NAALADL2: variants seen among roughly 807,000 people sequenced by gnomAD.
NAALADL2 encodes the protein N-acetylated alpha-linked acidic dipeptidase like 2.
Under a neutral mutation model 87.2 loss-of-function variants are expected in NAALADL2, and 76 were observed. The observed-to-expected ratio is 0.87, with a 90% CI of 0.72 to 1.05. The LOEUF (loss-of-function observed/expected upper bound fraction) is 1.05. Ranked by LOEUF, NAALADL2 falls within the 50% of genes least tolerant of loss-of-function variation. The pLI is 0.00. For synonymous variants in NAALADL2, 354 were observed against 331.0 expected, an observed-to-expected ratio of 1.07 and a Z score of -0.75; for missense variants, 1,089 against 945.8, an observed-to-expected ratio of 1.15 and a Z score of -1.99.
At chr3:174,728,655 T>C (rs1732423183) in intron 2 of NAALADL2, among the ~76,000 whole-genome samples, 1 of 152,052 alleles carries the variant, frequency 6.6e-6, no homozygotes, top group Non-Finnish European at 1.5e-5. Context: ...TGTGTTTTTT[T>C]CCCATTTCAC....
intron 2 of NAALADL2, among the ~76,000 whole-genome samples, chr3:175,124,254 C>T (rs1726587400): frequency 6.6e-6 from 1 of 151,900 alleles, no homozygotes; most frequent in African/African-American, 2.4e-5. Context: ...TTTCAAGTAA[C>T]GGAAAATTCA....
At chr3:174,650,502 G>A (rs947011024) in intron 2 of NAALADL2, among the ~76,000 whole-genome samples, 5 of 152,042 alleles carry the variant, frequency 3.3e-5, no homozygotes, top group South Asian at 2.1e-4. Flanking sequence ...CTGTGTCAAC[G>A]TCTATTTACA....
At chr3:174,498,567 G>T (rs1718692221) in intron 1 of NAALADL2, among the ~76,000 whole-genome samples, 2 of 150,636 alleles carry the variant, frequency 1.3e-5, no homozygotes, top group Non-Finnish European at 3.0e-5. Flanking sequence ...AAGGGGAATG[G>T]CAGGATTGCA....
At position 175,352,770 on chromosome 3, in the gene NAALADL2, T is replaced by A. The variant is rs139920999; in HGVS notation, c.1090+28445T>A. ...ATGACATAATAGATTTAAAAGAAAA[T>A]AATGTTTTATGTCAAAATTGTGCTG... On this transcript the variant is annotated intron_variant, in intron 5 of 13. Coordinates refer to ENST00000454872, the MANE Select transcript of NAALADL2 (RefSeq NM_207015.3). 4.4e-3 allele frequency among the ~76,000 whole-genome samples: 663 copies of A among 152,218 alleles called. 2 individuals are homozygous for A. The highest frequency in any genetic ancestry group is 0.015 in the African/African-American group (641 of 41,542).
At chr3:175,005,554 C>T (rs1748895917) in intron 1 of NAALADL2, among the ~76,000 whole-genome samples, 1 of 151,994 alleles carries the variant, frequency 6.6e-6, no homozygotes, top group Non-Finnish European at 1.5e-5. Flanking sequence ...AATAAATAAA[C>T]AATAAAATAT....
At chr3:174,630,208 ATTAT>A (rs1276924701) in intron 2 of NAALADL2, among the ~76,000 whole-genome samples, 1 of 152,058 alleles carries the variant, frequency 6.6e-6, no homozygotes, top group Admixed American at 6.6e-5. Context: ...CATGATTTTC[ATTAT>A]TTATCATTTT....
chr3:174,988,896 A>G lies in NAALADL2; in HGVS notation c.44-107894A>G, dbSNP rs540972248. ...TATAAAAACTACCTGAGGCTGGGTA[A>G]TTTATAAAGAAAAGAGATTTATTTG... is the stretch of plus-strand genomic sequence containing the variant. On this transcript the variant is annotated intron_variant, in intron 1 of 13. Coordinates refer to ENST00000454872, the MANE Select transcript of NAALADL2 (RefSeq NM_207015.3). Among the ~76,000 whole-genome samples the G allele has an allele frequency of 1.1e-3, 166 of 152,302 alleles. 2 individuals carry two copies. Among genetic ancestry groups the G allele is most frequent in the African/African-American group, 3.9e-3 (161 of 41,572 alleles).
At chr3:174,616,803 G>A (rs1720505302) in intron 2 of NAALADL2, among the ~76,000 whole-genome samples, 2 of 151,766 alleles carry the variant, frequency 1.3e-5, no homozygotes, top group Admixed American at 1.3e-4. Flanking sequence ...ACAGTTAGAT[G>A]TTCTTTATAA....
At chr3:175,178,355 C>T (rs1735988848) in intron 2 of NAALADL2, among the ~76,000 whole-genome samples, 1 of 151,868 alleles carries the variant, frequency 6.6e-6, no homozygotes, top group Admixed American at 6.6e-5. Flanking sequence ...CATTTTTATC[C>T]TCATTATCTT....
In NAALADL2 at chr3:175,087,319, G is replaced by A. The variant is rs182272964; in HGVS notation, c.44-9471G>A. Among the ~76,000 whole-genome samples, 289 of 152,320 alleles carry A rather than the reference G, an allele frequency of 1.9e-3. 1 individual carries two copies. The highest frequency in any genetic ancestry group is 6.4e-3 in the African/African-American group (268 of 41,580). On this transcript the variant is annotated intron_variant, in intron 1 of 13. Coordinates refer to ENST00000454872, the MANE Select transcript of NAALADL2 (RefSeq NM_207015.3). ...CCCCGCCCTGGCAGCTGCCCCTTCC[G>A]GGAAGGAGGTTGGGGGCGCCTCTGC...
intron 1 of NAALADL2, among the ~76,000 whole-genome samples, chr3:174,509,404 CTT>C (rs34028719): frequency 5.6e-5 from 6 of 106,932 alleles, no homozygotes; most frequent in Non-Finnish European, 1.0e-4. Flanking sequence ...TCCTTTCTTT[CTT>C]TTTTTTTTTT....
intron 3 of NAALADL2, among the ~76,000 whole-genome samples, chr3:174,783,689 A>G (rs1471680767): frequency 6.6e-6 from 1 of 152,058 alleles, no homozygotes; most frequent in African/African-American, 2.4e-5. Context: ...AAGCGGCCAT[A>G]TTTGTAGGCA....
At chr3:175,366,201 T>C (rs879838607) in intron 5 of NAALADL2, among the ~76,000 whole-genome samples, 2 of 147,840 alleles carry the variant, frequency 1.4e-5, no homozygotes, top group Non-Finnish European at 3.0e-5. Context: ...TCATTATTTA[T>C]GGCTGCATAG....
At chr3:175,497,667 T>C (rs1728998686) in intron 9 of NAALADL2, among the ~76,000 whole-genome samples, 1 of 152,122 alleles carries the variant, frequency 6.6e-6, no homozygotes, top group African/African-American at 2.4e-5. Context: ...TTTTATTTTT[T>C]TCCTTTGGGT....
chr3:174,963,790 T>C (rs1299786816), intron 1 of NAALADL2, among the ~76,000 whole-genome samples: 3 of 152,168 alleles, frequency 2.0e-5, no homozygotes, highest in African/African-American at 7.2e-5. Flanking sequence ...TTTGTAAATT[T>C]TTCTTTCAAA....
intron 2 of NAALADL2, among the ~76,000 whole-genome samples, chr3:174,665,300 C>T (rs1166103357): frequency 2.3e-4 from 35 of 152,082 alleles, no homozygotes; most frequent in Admixed American, 2.3e-3. Flanking sequence ...AGAGGTAACA[C>T]ATTGTACATG....
At chr3:175,419,910 A>G (rs907972894) in intron 5 of NAALADL2, among the ~76,000 whole-genome samples, 2 of 152,022 alleles carry the variant, frequency 1.3e-5, no homozygotes, top group African/African-American at 4.8e-5. Flanking sequence ...CAGTTATAGT[A>G]GAAGGTCCCA....
At chr3:174,648,381 A>AGGAGAAAACT (rs1164713589) in intron 2 of NAALADL2, among the ~76,000 whole-genome samples, 1 of 151,956 alleles carries the variant, frequency 6.6e-6, no homozygotes, top group Admixed American at 6.6e-5. Context: ...ATGTATGCAT[A>AGGAGAAAACT]GGAGAAAACT....
chr3:174,683,186 C>T (rs978320445), intron 2 of NAALADL2, among the ~76,000 whole-genome samples: 11 of 151,922 alleles, frequency 7.2e-5, no homozygotes, highest in Admixed American at 5.9e-4. Context: ...CTTGAAGACA[C>T]GCAATTTGAA....
Sources: allele counts gnomAD v4.1 joint callset (sites outside exome capture counted in the v4.1 genomes callset), GRCh38; gene constraint gnomAD v4.1.1; transcripts MANE v1.5; gene names NCBI Gene and HGNC (gene_info 2026-07-23, HGNC 2026-07-21).